Variants in PSD3 observed in about 807,000 individuals in gnomAD.
PSD3 encodes pleckstrin and Sec7 domain containing 3.
PSD3 carries 49 observed loss-of-function variants against 105.5 expected under a neutral mutation model. The ratio of observed to expected loss-of-function variants is 0.46; its 90% CI spans 0.37 to 0.59. The LOEUF (loss-of-function observed/expected upper bound fraction) is 0.59. Ranked by LOEUF, PSD3 falls within the 20% of genes least tolerant of loss-of-function variation. The probability of loss-of-function intolerance (pLI) is 0.00; values close to 1 mark genes in which losing one functional copy is unlikely to be tolerated. For synonymous variants in PSD3, 557 were observed against 457.8 expected, an observed-to-expected ratio of 1.22 and a Z score of -2.77; for missense variants, 1,561 against 1,263.8, an observed-to-expected ratio of 1.24 and a Z score of -3.57.
intron 4 of PSD3, among the ~76,000 whole-genome samples, chr8:18,829,537 C>T (rs1195694296): frequency 2.0e-5 from 3 of 152,168 alleles, no homozygotes; most frequent in African/African-American, 7.2e-5. Flanking sequence ...AAGTCTTGAG[C>T]CTCATTTCCC....
At chr8:18,737,321 G>C (rs572567162) in intron 9 of PSD3, among the ~76,000 whole-genome samples, 6 of 152,234 alleles carry the variant, frequency 3.9e-5, no homozygotes, top group African/African-American at 1.4e-4. Context: ...TGTGCTATTT[G>C]TTTATTTGTG....
chr8:18,865,222 TG>T (rs1563359417), intron 4 of PSD3: 9 of 94,062 alleles, frequency 9.6e-5, no homozygotes, highest in Non-Finnish European at 1.3e-4. Flanking sequence ...ACAGATTCTA[TG>T]TTATATATAT....
intron 9 of PSD3, among the ~76,000 whole-genome samples, chr8:18,755,240 T>C (rs1191115022): frequency 6.6e-6 from 1 of 151,898 alleles, no homozygotes; most frequent in African/African-American, 2.4e-5. Context: ...ACCAGCCTGG[T>C]CAACATGGTG....
At chr8:18,699,322 AC>A (rs1428041419) in intron 9 of PSD3, among the ~76,000 whole-genome samples, 9 of 152,360 alleles carry the variant, frequency 5.9e-5, no homozygotes, top group African/African-American at 2.2e-4. Flanking sequence ...CAATCTGTTC[AC>A]CAGGAATATC....
At chr8:18,934,638 A>T (rs931086411) in intron 2 of PSD3, among the ~76,000 whole-genome samples, 1 of 152,128 alleles carries the variant, frequency 6.6e-6, no homozygotes, top group African/African-American at 2.4e-5. Flanking sequence ...AACTTATTTC[A>T]TTCTCAAAAT....
intron 2 of PSD3, among the ~76,000 whole-genome samples, chr8:18,912,484 T>A (rs1038910075): frequency 1.3e-5 from 2 of 152,258 alleles, no homozygotes; most frequent in East Asian, 1.9e-4. Flanking sequence ...AGGAAAAAAA[T>A]ATATATATTC....
rs567127339 is a variant in PSD3, at chr8:18,983,502, A to G, written c.21+30061T>C. On this transcript the variant is annotated intron_variant, in intron 1 of 15. Coordinates refer to ENST00000327040, the MANE Select transcript of PSD3 (RefSeq NM_015310.4). ...ATCATTTATTTGATTTCAAGTGAAAAACATGCAACTGTTCCTTCCACGTGA... is the reference window on the plus strand; with the variant it reads ...ATCATTTATTTGATTTCAAGTGAAAGACATGCAACTGTTCCTTCCACGTGA... 2.0e-5 allele frequency among the ~76,000 whole-genome samples: 3 copies of G among 152,326 alleles called. No individual in the cohort carries two copies. In the East Asian group the frequency reaches 5.8e-4, roughly 29 times the overall value.
chr8:18,973,293 T>G (rs1386590793), intron 1 of PSD3, among the ~76,000 whole-genome samples: 1 of 152,236 alleles, frequency 6.6e-6, no homozygotes. Flanking sequence ...TAGATTTGTC[T>G]GCTTAGGCTG....
chr8:18,750,494 A>C (rs1467394499), intron 9 of PSD3, among the ~76,000 whole-genome samples: 1 of 152,140 alleles, frequency 6.6e-6, no homozygotes, highest in East Asian at 1.9e-4. Context: ...ACAACTCATA[A>C]AAGCAGCGTG....
chr8:19,062,846 A>G (rs1054096838), intron 1 of PSD3, among the ~76,000 whole-genome samples: 2 of 152,218 alleles, frequency 1.3e-5, no homozygotes, highest in Non-Finnish European at 2.9e-5. Context: ...TGAAATATCA[A>G]TCTTTTTGCA....
At chr8:18,962,367 C>T (rs1823979570) in intron 1 of PSD3, among the ~76,000 whole-genome samples, 1 of 152,032 alleles carries the variant, frequency 6.6e-6, no homozygotes, top group Admixed American at 6.6e-5. Flanking sequence ...GTTGTAAATA[C>T]CACGAATTGC....
chr8:18,867,731 T>G lies in PSD3; in HGVS notation c.1577A>C (p.Asn526Thr). Residue 526 changes from asparagine to threonine, a missense_variant, in exon 4 of 16, where the codon AAT becomes ACT. Physicochemically the swap from Asn to Thr is moderately conservative, Grantham distance 65. Coordinates refer to ENST00000327040, the MANE Select transcript of PSD3 (RefSeq NM_015310.4). ...CGTGTAGATGGAGTCGCTGGCATCA[T>G]TCAGCCCATTGGTGACGCCACTAGA... ...GYSSGVTNGL[N>T]DASDSIYTKG... 6.2e-7 allele frequency: 1 copy of G among 1,613,954 alleles called. No homozygotes were observed. Among genetic ancestry groups the G allele is most frequent in the Non-Finnish European group, 8.5e-7 (1 of 1,179,930 alleles).
At chr8:18,805,991 C>T (rs1811161408) in intron 4 of PSD3, among the ~76,000 whole-genome samples, 1 of 152,020 alleles carries the variant, frequency 6.6e-6, no homozygotes, top group Non-Finnish European at 1.5e-5. Context: ...AGTTTTTAGC[C>T]CCAACTTAAA....
chr8:18,792,739 T>A (rs1809839612), intron 8 of PSD3, among the ~76,000 whole-genome samples: 1 of 152,150 alleles, frequency 6.6e-6, no homozygotes. Flanking sequence ...GACTGTAAAC[T>A]AGTTCAACCA....
At chr8:19,047,425 C>G (rs1457474955) in intron 1 of PSD3, among the ~76,000 whole-genome samples, 3 of 152,128 alleles carry the variant, frequency 2.0e-5, no homozygotes, top group East Asian at 3.9e-4. Flanking sequence ...AAAATTCCAC[C>G]ATTAAGGATT....
At chr8:18,861,454 C>T (rs958918031) in intron 4 of PSD3, among the ~76,000 whole-genome samples, 3 of 152,204 alleles carry the variant, frequency 2.0e-5, no homozygotes, top group Non-Finnish European at 2.9e-5. Context: ...CTCCAGTGAC[C>T]TTCAGTCCCA....
chr8:18,831,166 G>T (rs1813651593), intron 4 of PSD3, among the ~76,000 whole-genome samples: 1 of 152,154 alleles, frequency 6.6e-6, no homozygotes, highest in East Asian at 1.9e-4. Context: ...CTATTAATCT[G>T]GTTCTGAAGC....
At chr8:18,580,695 A>G (rs1478383161) in intron 12 of PSD3, among the ~76,000 whole-genome samples, 2 of 152,180 alleles carry the variant, frequency 1.3e-5, no homozygotes, top group Non-Finnish European at 2.9e-5. Flanking sequence ...GATCTGTGAT[A>G]GTAAATGTAC....
At chr8:18,734,293 T>C (rs576184802) in intron 9 of PSD3, 1 of 152,174 alleles carries the variant, frequency 6.6e-6, no homozygotes, top group African/African-American at 2.4e-5. Flanking sequence ...ATTCAAAGAG[T>C]TGTACTATAA....
Sources: allele counts gnomAD v4.1 joint callset (sites outside exome capture counted in the v4.1 genomes callset), GRCh38; gene constraint gnomAD v4.1.1; transcripts MANE v1.5; gene names NCBI Gene and HGNC (gene_info 2026-07-23, HGNC 2026-07-21).